SORBS2: variants seen among roughly 807,000 people sequenced by gnomAD.
The protein encoded by SORBS2 is sorbin and SH3 domain containing 2.
A neutral mutation model predicts 97.7 loss-of-function variants in SORBS2; 46 were observed. That is an observed-to-expected ratio of 0.47 (90% CI 0.37 to 0.60). The LOEUF (loss-of-function observed/expected upper bound fraction) is 0.60. Among genes scored for constraint, SORBS2 ranks in the 20% least tolerant of loss-of-function variants. The pLI, the probability that SORBS2 is intolerant of heterozygous loss-of-function variation, is 0.00. For synonymous variants in SORBS2, 476 were observed against 473.4 expected (o/e 1.01, Z -0.07); for missense variants, 1,316 against 1,282.3 (o/e 1.03, Z -0.40).
rs2096892628 is a variant in SORBS2 at position 185,630,739 on chromosome 4, G to A, written c.397-141C>T. 1.3e-5 allele frequency: 8 copies of A among 609,472 alleles called. No homozygotes were observed. In the East Asian group the frequency reaches 2.2e-4, roughly 17 times the overall value. 37.8% of individuals were successfully genotyped at this position (609,472 alleles called of 1,614,324 possible). A position where few individuals can be genotyped will look rare whatever the true frequency, so the allele number is the denominator to read the frequency against. ...TACCATTCATTATGACTATAAAAATGTCTTCCCAAAGAGAGATCATGCGAC... is the reference window on the plus strand; with the variant it reads ...TACCATTCATTATGACTATAAAAATATCTTCCCAAAGAGAGATCATGCGAC... On this transcript the variant is annotated intron_variant, in intron 4 of 14. Coordinates refer to ENST00000418609, the Ensembl canonical transcript of SORBS2.
chr4:185,614,300 G>A (rs1265665775), intron 11 of SORBS2, among the ~76,000 whole-genome samples: 1 of 151,118 alleles, frequency 6.6e-6, no homozygotes, highest in Non-Finnish European at 1.5e-5. Context: ...AGGATTGGAT[G>A]GGCTGCTAGA....
chr4:185,652,727 G>A (rs373436687), exon 2 of SORBS2: 26 of 1,613,392 alleles, frequency 1.6e-5, no homozygotes, highest in Non-Finnish European at 2.2e-5. Context: ...CCGGTCGACT[G>A]TCTGTAATGA....
chr4:185,683,947 G>T (rs905460751), intron 2 of SORBS2, among the ~76,000 whole-genome samples: 16 of 152,178 alleles, frequency 1.1e-4, no homozygotes, highest in Non-Finnish European at 1.6e-4. Flanking sequence ...CACTTCTGCT[G>T]TAAGACCCAT....
At chr4:185,908,168 C>T (rs1446472166) in intron 1 of SORBS2, among the ~76,000 whole-genome samples, 2 of 151,358 alleles carry the variant, frequency 1.3e-5, no homozygotes, top group Non-Finnish European at 2.9e-5. Flanking sequence ...GAACCAACTT[C>T]CTACCTGACC....
In SORBS2 at chr4:185,618,608, A is replaced by C; in HGVS notation, c.2328T>G (p.Tyr776Ter). ...ACTTAGATGTCTGAGCCTTAAAATC[A>C]TAAACAGCTTTTGCAGGCAATTTCT... Residue 776 changes from tyrosine to a stop codon, truncating the protein, a stop_gained, in exon 9 of 15, where the codon TAT becomes TAG. Transcript: ENST00000418609. LOFTEE classifies it high-confidence loss of function. 6.5e-7 allele frequency: 1 copy of C among 1,541,994 alleles called. No homozygotes were observed. Among genetic ancestry groups the C allele is most frequent in the Non-Finnish European group, 8.8e-7 (1 of 1,132,076 alleles).
chr4:185,750,471 A>G (rs1399919684), intron 2 of SORBS2, among the ~76,000 whole-genome samples: 2 of 152,226 alleles, frequency 1.3e-5, no homozygotes, highest in Non-Finnish European at 2.9e-5. Flanking sequence ...CCATCAGAGT[A>G]TAACAGCTAA....
intron 1 of SORBS2, among the ~76,000 whole-genome samples, chr4:185,941,309 G>C (rs1401532752): frequency 6.6e-6 from 1 of 152,202 alleles, no homozygotes; most frequent in Non-Finnish European, 1.5e-5. Flanking sequence ...GCTAGAATTT[G>C]AATGTAGATG....
intron 1 of SORBS2, among the ~76,000 whole-genome samples, chr4:185,941,944 C>T (rs2099272199): frequency 6.6e-6 from 1 of 151,982 alleles, no homozygotes; most frequent in South Asian, 2.1e-4. Flanking sequence ...GGTGAAACCC[C>T]ATCTCTACTA....
At chr4:185,641,475 G>A (rs551607367) in intron 4 of SORBS2, among the ~76,000 whole-genome samples, 1 of 152,210 alleles carries the variant, frequency 6.6e-6, no homozygotes, top group South Asian at 2.1e-4. Context: ...GTGACCTGGA[G>A]GCACTGCTAA....
chr4:185,773,494 C>G (rs958741002), intron 2 of SORBS2: 3 of 152,202 alleles, frequency 2.0e-5, no homozygotes, highest in Non-Finnish European at 1.5e-5. Context: ...AGATCTCTGC[C>G]GTAGCTTTCT....
chr4:185,662,125 T>C (rs746355997), exon 5 of SORBS2: 1 of 1,614,158 alleles, frequency 6.2e-7, no homozygotes, highest in Non-Finnish European at 8.5e-7. Flanking sequence ...CCGTGCTGCA[T>C]GACAATGCTG....
At chr4:185,614,559 C>T in intron 11 of SORBS2, 1 of 402,390 alleles carries the variant, frequency 2.5e-6, no homozygotes, top group East Asian at 4.4e-5. Context: ...ATGTATAAGT[C>T]CTTGATTTTC....
intron 1 of SORBS2, among the ~76,000 whole-genome samples, chr4:185,946,304 A>G (rs114259265): frequency 3.6e-4 from 55 of 152,346 alleles, no homozygotes; most frequent in African/African-American, 1.3e-3. Context: ...AGGCAGGCCT[A>G]GAAACCTATC....
intron 2 of SORBS2, among the ~76,000 whole-genome samples, chr4:185,693,106 A>C (rs529191455): frequency 2.6e-5 from 4 of 152,298 alleles, no homozygotes; most frequent in Non-Finnish European, 5.9e-5. Flanking sequence ...CTGAGTTTCC[A>C]CAGGGTTATG....
chr4:185,804,183 T>C (rs999751583), intron 1 of SORBS2, among the ~76,000 whole-genome samples: 1 of 152,272 alleles, frequency 6.6e-6, no homozygotes, highest in Non-Finnish European at 1.5e-5. Context: ...TTTAAAGATA[T>C]GTAGACCAGA....
At chr4:185,618,768 A>C (rs2096665247) in intron 8 of SORBS2, 137 bp from the exon 21 acceptor site, 1 of 466,478 alleles carries the variant, frequency 2.1e-6, no homozygotes, top group Admixed American at 3.4e-5. Context: ...TAAGCAATTT[A>C]TAAATAAGTC....
At position 185,606,087 on chromosome 4, in the gene SORBS2, C is replaced by A; in HGVS notation, c.2796+5693G>T. ...TTCTGTTGTCTTTGTTTATTATTAGCATTATTATTTTTGCAAAGTGCCGTT... is the reference window on the plus strand; with the variant it reads ...TTCTGTTGTCTTTGTTTATTATTAGAATTATTATTTTTGCAAAGTGCCGTT... On this transcript the variant is annotated intron_variant, in intron 12 of 14. Coordinates refer to ENST00000418609, the Ensembl canonical transcript of SORBS2. The surrounding 1 kb of genome is among the most constrained non-coding windows in gnomAD (Gnocchi z 4.3). 1 of 985,158 alleles carries A rather than the reference C, an allele frequency of 1.0e-6. No individual in the cohort carries two copies. Among genetic ancestry groups the A allele is most frequent in the Non-Finnish European group, 1.2e-6 (1 of 829,738 alleles). 61.0% of individuals were successfully genotyped at this position (985,158 alleles called of 1,614,324 possible).
intron 9 of SORBS2, among the ~76,000 whole-genome samples, chr4:185,616,776 T>C (rs757755775): frequency 6.6e-6 from 1 of 152,144 alleles, no homozygotes; most frequent in South Asian, 2.1e-4. Context: ...TGAGATGGAG[T>C]CTTGCTCTGT....
At chr4:185,745,816 T>C (rs1186254101) in intron 2 of SORBS2, among the ~76,000 whole-genome samples, 1 of 152,216 alleles carries the variant, frequency 6.6e-6, no homozygotes, top group Non-Finnish European at 1.5e-5. Flanking sequence ...GGAAAGCCTG[T>C]GTGACTGATC....
Sources: gnomAD v4.1 joint callset for allele counts (sites outside exome capture counted in the v4.1 genomes callset) on GRCh38, gnomAD v4.1.1 for gene constraint, Gnocchi (gnomAD v3.1) non-coding constraint, MANE v1.5 for transcripts, NCBI Gene and HGNC (gene_info 2026-07-23, HGNC 2026-07-21) for gene names.